The following CACNA1A variants were observed in gnomAD, a reference collection of about 807,000 sequenced individuals.
CACNA1A encodes voltage-dependent P/Q-type calcium channel subunit alpha-1A.
A neutral mutation model predicts 262.4 loss-of-function variants in CACNA1A; 57 were observed. The ratio of observed to expected loss-of-function variants is 0.22; its 90% confidence interval spans 0.18 to 0.27. The LOEUF (loss-of-function observed/expected upper bound fraction) is 0.27, where lower values mean the gene tolerates loss of function less well. CACNA1A is among the 10% of genes least tolerant of loss of function. CACNA1A has a pLI of 1.00. For synonymous variants in CACNA1A, 1,431 were observed against 1,419.3 expected (o/e 1.01, Z -0.18); for missense variants, 2,526 against 3,562.8 (o/e 0.71, Z 7.41).
chr19:13,380,741 GTTTGTTTGTTTATTTA>G (rs1466867522), intron 3 of CACNA1A, among the ~76,000 whole-genome samples: 42 of 123,094 alleles, frequency 3.4e-4, no homozygotes, highest in African/African-American at 1.7e-3. Flanking sequence ...TGGTTTGTTT[GTTTGTTTGTTTATTTA>G]TTTATTTATT....
chr19:13,467,607 CT>C (rs57816533), intron 1 of CACNA1A, among the ~76,000 whole-genome samples: 174 of 142,788 alleles, frequency 1.2e-3, no homozygotes, highest in South Asian at 1.6e-3. Context: ...TTTTTCTTTT[CT>C]TTTTTTTTTT....
At chr19:13,459,478 C>A (rs1329277364) in intron 1 of CACNA1A, among the ~76,000 whole-genome samples, 1 of 152,208 alleles carries the variant, frequency 6.6e-6, no homozygotes, top group Non-Finnish European at 1.5e-5. Flanking sequence ...GGGGAGCCAA[C>A]AAAAGCCGGC....
chr19:13,482,733 G>C (rs1028815587), intron 1 of CACNA1A, among the ~76,000 whole-genome samples: 2 of 152,024 alleles, frequency 1.3e-5, no homozygotes, highest in African/African-American at 4.8e-5. Flanking sequence ...TGTGTGGATG[G>C]GCTCACTGGG....
chr19:13,271,056 C>T (rs1030343890), intron 24 of CACNA1A, among the ~76,000 whole-genome samples: 4 of 152,068 alleles, frequency 2.6e-5, no homozygotes, highest in African/African-American at 9.7e-5. Context: ...ATGCCTGTAC[C>T]AATTTCATGA....
intron 10 of CACNA1A, among the ~76,000 whole-genome samples, chr19:13,326,706 T>G (rs569543193): frequency 1.2e-4 from 18 of 151,570 alleles, no homozygotes; most frequent in African/African-American, 4.4e-4. Flanking sequence ...GGAGGATCAC[T>G]TGAGTCCAGG....
intron 4 of CACNA1A, among the ~76,000 whole-genome samples, chr19:13,369,160 G>A (rs1294673507): frequency 1.3e-5 from 2 of 151,686 alleles, no homozygotes; most frequent in East Asian, 3.9e-4. Context: ...TGGTGTACCC[G>A]CCCTCCAGCT....
chr19:13,331,828 A>G (rs867775346), intron 9 of CACNA1A, among the ~76,000 whole-genome samples: 5 of 97,804 alleles, frequency 5.1e-5, no homozygotes, highest in Admixed American at 1.1e-4. Flanking sequence ...ACATCTGGCT[A>G]AGTTTATTTT....
chr19:13,365,651 T>C (rs146264163), intron 4 of CACNA1A, 182 bp from the exon 5 acceptor site: 2 of 533,100 alleles, frequency 3.8e-6, no homozygotes, highest in Non-Finnish European at 6.7e-6. Flanking sequence ...ATCCTTATCA[T>C]GGGAACAACA....
chr19:13,505,289 C>T (rs984597359), intron 1 of CACNA1A, among the ~76,000 whole-genome samples: 2 of 152,192 alleles, frequency 1.3e-5, no homozygotes, highest in Non-Finnish European at 2.9e-5. Context: ...CCATCACTAT[C>T]CTCTCCAGAT....
intron 19 of CACNA1A, among the ~76,000 whole-genome samples, chr19:13,296,332 T>C (rs976797427): frequency 6.6e-6 from 1 of 152,176 alleles, no homozygotes; most frequent in Non-Finnish European, 1.5e-5. Context: ...AAAAAATCAA[T>C]ATTATGCCCT....
chr19:13,310,937 T>G (rs1275823912), intron 12 of CACNA1A, among the ~76,000 whole-genome samples: 1 of 151,994 alleles, frequency 6.6e-6, no homozygotes, highest in African/African-American at 2.4e-5. Context: ...ATTACAGGCA[T>G]GTGCCACGAC....
At chr19:13,260,413 A>G (rs1244622966) in intron 26 of CACNA1A, 3 of 151,070 alleles carry the variant, frequency 2.0e-5, no homozygotes, top group Non-Finnish European at 4.4e-5. Flanking sequence ...CAGTGGCCCA[A>G]TCTGGGCTCA....
chr19:13,301,594 C>T (rs2144969131), intron 17 of CACNA1A, among the ~76,000 whole-genome samples: 1 of 152,310 alleles, frequency 6.6e-6, no homozygotes, highest in East Asian at 1.9e-4. Context: ...AAAATACATA[C>T]AGAAAAAGAC....
At chr19:13,402,897 T>C (rs77887855) in intron 3 of CACNA1A, among the ~76,000 whole-genome samples, 8,058 of 129,800 alleles carry the variant, frequency 0.062, 557 homozygotes, top group East Asian at 0.27. Flanking sequence ...TATATATATA[T>C]ATATATATAT....
At chr19:13,404,702 C>A (rs1241729963) in intron 3 of CACNA1A, among the ~76,000 whole-genome samples, 1 of 152,110 alleles carries the variant, frequency 6.6e-6, no homozygotes, top group African/African-American at 2.4e-5. Context: ...TTCCAGCCTG[C>A]AAAGCACCTA....
chr19:13,300,576 C>T lies in CACNA1A; in HGVS notation c.2253G>A (p.Leu751=). 6.2e-7 allele frequency: 1 copy of T among 1,613,738 alleles called. No individual in the cohort carries two copies. Among genetic ancestry groups the T allele is most frequent in the African/African-American group, 1.3e-5 (1 of 75,052 alleles). ...KAKEVAEVSP[L]SAANMSIAVK... is the part of the protein sequence containing the mutation. ...CAGCTATAGACATGTTGGCCGCGGA[C>T]AGAGGACTCACTTCTGCCACCTCCT... Residue 751 remains leucine, a synonymous_variant, in exon 18 of 47, where the codon CTG becomes CTA. Coordinates refer to ENST00000360228, the MANE Select transcript of CACNA1A (RefSeq NM_001127222.2).
intron 12 of CACNA1A, among the ~76,000 whole-genome samples, chr19:13,312,065 T>G (rs2058046323): frequency 6.6e-6 from 1 of 152,118 alleles, no homozygotes; most frequent in Admixed American, 6.5e-5. Flanking sequence ...GAATGCTGGG[T>G]CATATCTCCA....
intron 1 of CACNA1A, among the ~76,000 whole-genome samples, chr19:13,462,217 C>T (rs986404196): frequency 2.6e-5 from 4 of 152,284 alleles, no homozygotes; most frequent in South Asian, 2.1e-4. Flanking sequence ...GTGGTTGGTG[C>T]GGAAATCAAA....
chr19:13,207,856 C>A lies in CACNA1A; in HGVS notation c.6978G>T (p.Ala2326=). 6.9e-7 allele frequency: 1 copy of A among 1,442,012 alleles called. No individual in the cohort carries two copies. The allele number at this position is 1,442,012 out of a possible 1,614,324, so 89.3% of individuals were successfully genotyped here. A position where few individuals can be genotyped will look rare whatever the true frequency, so the allele number is the denominator to read the frequency against. ...QQQQQQQQQQ[A]VARPGRAATS... The stretch of plus-strand genomic sequence containing the variant: ...TGGCCGCCCGGCCCGGCCTGGCCAC[C>A]GCCTGCTGCTGCTGCTGCTGCTGCT... Residue 2326 remains alanine, a synonymous_variant, in exon 47 of 47, where the codon GCG becomes GCT. Coordinates refer to ENST00000360228, the MANE Select transcript of CACNA1A (RefSeq NM_001127222.2). The surrounding 1 kb of genome is among the most constrained non-coding windows in gnomAD (Gnocchi z 5.7).
Sources: allele counts gnomAD v4.1 joint callset (sites outside exome capture counted in the v4.1 genomes callset), GRCh38; gene constraint gnomAD v4.1.1; non-coding constraint Gnocchi (gnomAD v3.1); transcripts MANE v1.5; gene names NCBI Gene and HGNC (gene_info 2026-07-23, HGNC 2026-07-21).